The following NUP210L variants were observed in gnomAD, a reference collection of about 807,000 sequenced individuals.
The protein encoded by NUP210L is nuclear pore membrane glycoprotein 210-like.
Under a neutral mutation model 208.5 loss-of-function variants are expected in NUP210L, and 74 were observed. The ratio of observed to expected loss-of-function variants is 0.35; its 90% CI spans 0.29 to 0.43. The LOEUF (loss-of-function observed/expected upper bound fraction) is 0.43. NUP210L is among the 20% of genes least tolerant of loss of function. The pLI is 1.00. For synonymous variants in NUP210L, 780 were observed against 816.9 expected (o/e 0.95, Z 0.77); for missense variants, 1,843 against 2,289.4 (o/e 0.81, Z 3.98).
chr1:154,067,304 A>G (rs1489143042), intron 17 of NUP210L, among the ~76,000 whole-genome samples: 5 of 152,154 alleles, frequency 3.3e-5, no homozygotes, highest in Non-Finnish European at 5.9e-5. Context: ...CAAATCAATA[A>G]ACATAATCCA....
At chr1:154,074,361 T>C (rs755457266) in intron 16 of NUP210L, among the ~76,000 whole-genome samples, 51 of 152,136 alleles carry the variant, frequency 3.4e-4, no homozygotes, top group Non-Finnish European at 5.0e-4. Flanking sequence ...GAAAAAAGCA[T>C]CCTTTTTTCT....
chr1:154,058,507 T>C (rs2147993711), intron 21 of NUP210L, 58 bp downstream of exon 21: 1 of 1,572,368 alleles, frequency 6.4e-7, no homozygotes, highest in South Asian at 1.2e-5. Flanking sequence ...TATTAAGGAA[T>C]GCTGGGTAGT....
chr1:154,016,929 G>A (rs1651277446), intron 33 of NUP210L, among the ~76,000 whole-genome samples: 1 of 151,992 alleles, frequency 6.6e-6, no homozygotes, highest in Non-Finnish European at 1.5e-5. Flanking sequence ...TCACACCACT[G>A]CATTTCAGCC....
chr1:154,072,129 C>A (rs919045337), intron 16 of NUP210L, among the ~76,000 whole-genome samples: 4 of 152,048 alleles, frequency 2.6e-5, no homozygotes, highest in African/African-American at 9.6e-5. Context: ...TTCTTTTCCT[C>A]TGGGTAGCTA....
intron 23 of NUP210L, among the ~76,000 whole-genome samples, chr1:154,055,276 A>C (rs1335004071): frequency 7.1e-6 from 1 of 141,034 alleles, no homozygotes; most frequent in African/African-American, 2.7e-5. Context: ...TTTGAGAAGG[A>C]GTTTCGCTCT....
At chr1:154,032,993 G>GAAAAGAAAAGA (rs769771404) in intron 27 of NUP210L, among the ~76,000 whole-genome samples, 35 of 130,150 alleles carry the variant, frequency 2.7e-4, no homozygotes, top group African/African-American at 8.1e-4. Flanking sequence ...GAAAAGAAAA[G>GAAAAGAAAAGA]AAAGAAAGAA....
At chr1:154,147,769 C>T (rs1259124835) in intron 2 of NUP210L, among the ~76,000 whole-genome samples, 1 of 151,036 alleles carries the variant, frequency 6.6e-6, no homozygotes, top group African/African-American at 2.4e-5. Flanking sequence ...AATCCTCGTC[C>T]CTCAGCCTCC....
intron 1 of NUP210L, among the ~76,000 whole-genome samples, chr1:154,154,371 C>T (rs1016739162): frequency 6.6e-6 from 1 of 152,194 alleles, no homozygotes; most frequent in South Asian, 2.1e-4. Context: ...AAGTCCTTCT[C>T]ACATTGAATA....
At chr1:154,063,176 G>C (rs1188436140) in intron 17 of NUP210L, among the ~76,000 whole-genome samples, 2 of 152,146 alleles carry the variant, frequency 1.3e-5, no homozygotes, top group African/African-American at 4.8e-5. Flanking sequence ...TGCTATTATA[G>C]AAGTACGTAC....
intron 28 of NUP210L, among the ~76,000 whole-genome samples, chr1:154,029,169 G>A (rs1652073290): frequency 6.8e-6 from 1 of 147,236 alleles, no homozygotes; most frequent in African/African-American, 2.5e-5. Context: ...ACGAGGTCAG[G>A]AGATCGAGAC....
intron 12 of NUP210L, among the ~76,000 whole-genome samples, chr1:154,106,872 C>A (rs1316227821): frequency 6.6e-6 from 1 of 152,220 alleles, no homozygotes; most frequent in African/African-American, 2.4e-5. Flanking sequence ...ACTCAATTCT[C>A]TTTGAATACT....
At chr1:154,060,564 G>A (rs1381880557) in exon 20 of NUP210L, 1 of 1,612,542 alleles carries the variant, frequency 6.2e-7, no homozygotes, top group Admixed American at 1.7e-5. Context: ...CTGCTTCCAT[G>A]TAAGTGATGG....
At chr1:154,022,675 CTTTTTTTTTT>C (rs375659718) in intron 31 of NUP210L, among the ~76,000 whole-genome samples, 2 of 115,010 alleles carry the variant, frequency 1.7e-5, no homozygotes, top group African/African-American at 3.2e-5. Flanking sequence ...TAAGTCTGGT[CTTTTTTTTTT>C]TTTTTTTTTT....
intron 27 of NUP210L, among the ~76,000 whole-genome samples, chr1:154,039,755 T>C (rs1652761547): frequency 6.6e-6 from 1 of 152,168 alleles, no homozygotes; most frequent in African/African-American, 2.4e-5. Context: ...CTTTGGGAGT[T>C]TGATTATTGA....
In NUP210L at chr1:154,061,585, C is replaced by T; in HGVS notation, c.2643+1G>A. 1 of 1,526,682 alleles carries T rather than the reference C, an allele frequency of 6.6e-7. No homozygotes were observed. The highest frequency in any genetic ancestry group is 9.0e-7 in the Non-Finnish European group (1 of 1,107,122). 94.6% of individuals were successfully genotyped at this position (1,526,682 alleles called of 1,614,324 possible). On this transcript the variant is annotated splice_donor_variant, in intron 18 of 39. Transcript: ENST00000368559. LOFTEE classifies it high-confidence loss of function. ...TTTCTTACATTATAATCTCCACTCA[C>T]TTTTGGGCTTTTCTTCTCTGAATAG... is the stretch of plus-strand genomic sequence containing the variant.
At chr1:154,131,929 C>A (rs541292298) in intron 7 of NUP210L, among the ~76,000 whole-genome samples, 54 of 152,150 alleles carry the variant, frequency 3.5e-4, no homozygotes, top group South Asian at 1.2e-3. Context: ...CTCAGGAGTT[C>A]CTCCCGAGTA....
At chr1:154,000,880 C>A (rs754089610) in exon 37 of NUP210L, 1 of 1,613,998 alleles carries the variant, frequency 6.2e-7, no homozygotes, top group East Asian at 2.2e-5. Context: ...TCTTTCATAG[C>A]CCTCACTACC....
intron 25 of NUP210L, among the ~76,000 whole-genome samples, chr1:154,049,854 T>C (rs1300937608): frequency 6.6e-6 from 1 of 152,226 alleles, no homozygotes; most frequent in African/African-American, 2.4e-5. Context: ...GGTTTGCATT[T>C]ACAATTCCTG....
chr1:154,134,019 G>A (rs748639296), intron 7 of NUP210L, among the ~76,000 whole-genome samples: 71 of 151,478 alleles, frequency 4.7e-4, no homozygotes, highest in Non-Finnish European at 9.1e-4. Flanking sequence ...GCATGGTGGC[G>A]CACACCTGTA....
Sources: allele counts gnomAD v4.1 joint callset (sites outside exome capture counted in the v4.1 genomes callset), GRCh38; gene constraint gnomAD v4.1.1; transcripts MANE v1.5; gene names NCBI Gene and HGNC (gene_info 2026-07-23, HGNC 2026-07-21).